The following SMPD3 variants were observed in gnomAD, a reference collection of about 807,000 sequenced individuals.
The protein encoded by SMPD3 is nSMase-2.
A neutral mutation model predicts 55.7 loss-of-function variants in SMPD3; 21 were observed. The ratio of observed to expected loss-of-function variants is 0.38; its 90% CI spans 0.27 to 0.54. The LOEUF (loss-of-function observed/expected upper bound fraction) is 0.54, where lower values mean the gene tolerates loss of function less well. SMPD3 is among the 20% of genes least tolerant of loss of function. SMPD3 has a pLI of 0.80. For synonymous variants in SMPD3, 457 were observed against 404.3 expected, an observed-to-expected ratio of 1.13 and a Z score of -1.56; for missense variants, 842 against 899.6, an observed-to-expected ratio of 0.94 and a Z score of 0.82.
intron 2 of SMPD3, among the ~76,000 whole-genome samples, chr16:68,375,198 TTC>T (rs1011509106): frequency 6.6e-6 from 1 of 151,956 alleles, no homozygotes; most frequent in Non-Finnish European, 1.5e-5. Context: ...ACACAGCCGA[TTC>T]TCTCTCTCCC....
chr16:68,423,728 G>T (rs1336951093), intron 1 of SMPD3, among the ~76,000 whole-genome samples: 1 of 152,106 alleles, frequency 6.6e-6, no homozygotes, highest in Non-Finnish European at 1.5e-5. Context: ...CTTAGCCAAG[G>T]AGCTTAGGAC....
At chr16:68,400,730 C>T (rs956243946) in intron 1 of SMPD3, among the ~76,000 whole-genome samples, 2 of 152,180 alleles carry the variant, frequency 1.3e-5, no homozygotes, top group Admixed American at 6.5e-5. Flanking sequence ...TCTCCAGCCC[C>T]GACAAAGGTG....
At position 68,371,745 on chromosome 16, in the gene SMPD3, T is replaced by C; in HGVS notation, c.437A>G (p.Asn146Ser). The C allele has an allele frequency of 6.2e-7, 1 of 1,610,758 alleles. No individual in the cohort carries two copies. Among genetic ancestry groups the C allele is most frequent in the Non-Finnish European group, 8.5e-7 (1 of 1,178,216 alleles). Reference protein sequence around the residue: ...DSLARVNNLFNTQARAKEIGQ... With the variant: ...DSLARVNNLFSTQARAKEIGQ... ...GATCTCCTTGGCCCGCGCTTGGGTG[T>C]TAAAAAGGTTGTTGACCCTGGCGAG... is the stretch of plus-strand genomic sequence containing the variant. The change falls in exon 3 of 9, where the codon AAC becomes AGC. Residue 146 changes from asparagine to serine, a missense_variant. Transcript: ENST00000219334.
chr16:68,378,717 C>T (rs542162398), intron 2 of SMPD3, among the ~76,000 whole-genome samples: 202 of 152,312 alleles, frequency 1.3e-3, no homozygotes, highest in Non-Finnish European at 2.1e-3. Flanking sequence ...GGCCACTCAG[C>T]ACCAGCCCTC....
chr16:68,446,384 C>A (rs1955898370), intron 1 of SMPD3, among the ~76,000 whole-genome samples: 1 of 152,100 alleles, frequency 6.6e-6, no homozygotes, highest in African/African-American at 2.4e-5. Context: ...TCCACTCGGA[C>A]CCTAGGTCAT....
intron 2 of SMPD3, among the ~76,000 whole-genome samples, chr16:68,373,687 T>A (rs1400946455): frequency 1.3e-5 from 2 of 152,160 alleles, no homozygotes; most frequent in Non-Finnish European, 2.9e-5. Flanking sequence ...TGGGACTGCA[T>A]CACGGTTCCC....
Position 68,447,210 on chromosome 16 carries a change from C to A in SMPD3, c.-269+1143G>T, listed in dbSNP as rs193232064. On this transcript the variant is annotated intron_variant, in intron 1 of 8. Coordinates refer to ENST00000219334, the MANE Select transcript of SMPD3 (RefSeq NM_018667.4). The surrounding 1 kb of genome is among the most constrained non-coding windows in gnomAD (Gnocchi z 5.1). Reference sequence around the variant, plus strand: ...GCCCCATGCCTTGGAACAGCCACCGCGCGTCCTGGAAGCAGGTCCCCGAGC... The same window carrying A: ...GCCCCATGCCTTGGAACAGCCACCGAGCGTCCTGGAAGCAGGTCCCCGAGC... Among the ~76,000 whole-genome samples, 180 of 152,294 alleles carry A rather than the reference C, an allele frequency of 1.2e-3. No homozygotes were observed. The highest frequency in any genetic ancestry group is 4.3e-3 in the African/African-American group (177 of 41,566).
chr16:68,418,572 A>G (rs529099300), intron 1 of SMPD3, among the ~76,000 whole-genome samples: 5 of 152,332 alleles, frequency 3.3e-5, no homozygotes, highest in African/African-American at 1.2e-4. Context: ...TGGGGAAGGC[A>G]AAGAACAACA....
chr16:68,423,214 A>G (rs2090409879), intron 1 of SMPD3, among the ~76,000 whole-genome samples: 1 of 152,222 alleles, frequency 6.6e-6, no homozygotes, highest in African/African-American at 2.4e-5. Context: ...CTCAAAGATC[A>G]TTCCCTTCTT....
intron 8 of SMPD3, 93 bp downstream of exon 8, chr16:68,361,510 C>T (rs1006010813): frequency 4.9e-5 from 75 of 1,530,390 alleles, no homozygotes; most frequent in Admixed American, 1.4e-4. Context: ...TGGCCTGGGG[C>T]GTGGGGTTTC....
At chr16:68,417,538 G>A (rs997578757) in intron 1 of SMPD3, among the ~76,000 whole-genome samples, 2 of 152,144 alleles carry the variant, frequency 1.3e-5, no homozygotes, top group East Asian at 1.9e-4. Flanking sequence ...TTTGAACTTG[G>A]ACTTAGGAAA....
In SMPD3 at chr16:68,360,324, T is replaced by TA. The variant is rs1198581554; in HGVS notation, c.*881dup. On this transcript the variant is annotated 3_prime_UTR_variant, in exon 9 of 9. Coordinates refer to ENST00000219334, the MANE Select transcript of SMPD3 (RefSeq NM_018667.4). ...AATCAGGATCCCCCCCACCCCCGTTTATGCTGTGAGTCCCTTCTTCCTGTA... is the reference window on the plus strand; with the variant it reads ...AATCAGGATCCCCCCCACCCCCGTTTAATGCTGTGAGTCCCTTCTTCCTGTA... 1.3e-5 allele frequency: 2 copies of TA among 149,124 alleles called. No individual in the cohort carries two copies. The highest frequency in any genetic ancestry group is 1.3e-4 in the Admixed American group (2 of 14,826). 9.2% of individuals were successfully genotyped at this position (149,124 alleles called of 1,614,324 possible). A position where few individuals can be genotyped will look rare whatever the true frequency, so the allele number is the denominator to read the frequency against.
chr16:68,389,438 T>G (rs1319067390), intron 1 of SMPD3, among the ~76,000 whole-genome samples: 1 of 152,228 alleles, frequency 6.6e-6, no homozygotes. Flanking sequence ...ACCTTTCCTT[T>G]GTAGCAGAAC....
At chr16:68,393,421 A>T (rs1399051949) in intron 1 of SMPD3, among the ~76,000 whole-genome samples, 2 of 152,170 alleles carry the variant, frequency 1.3e-5, no homozygotes. Flanking sequence ...CAAAAAAAAC[A>T]AAAAGGAAAA....
intron 2 of SMPD3, among the ~76,000 whole-genome samples, chr16:68,385,875 T>C (rs1445933884): frequency 6.6e-6 from 1 of 152,218 alleles, no homozygotes; most frequent in African/African-American, 2.4e-5. Flanking sequence ...TACTGATTGT[T>C]TGAGAATATG....
chr16:68,361,665 T>C lies in SMPD3; in HGVS notation c.1804A>G (p.Asn602Asp). ...QKGRKELLKGNGRRIDYMLHA... is the reference protein window; with the variant it reads ...QKGRKELLKGDGRRIDYMLHA... ...AGCATGTAGTCGATGCGCCGGCCGT[T>C]GCCCTTCAGCAGCTCCTTCCGCCCC... Residue 602 changes from asparagine (N) to aspartate (D), a missense_variant, in exon 8 of 9, where the codon AAC becomes GAC. Coordinates refer to ENST00000219334, the MANE Select transcript of SMPD3 (RefSeq NM_018667.4). 2 of 1,612,564 alleles carry C rather than the reference T, an allele frequency of 1.2e-6. No homozygotes were observed. The highest frequency in any genetic ancestry group is 1.7e-6 in the Non-Finnish European group (2 of 1,179,962).
At chr16:68,402,254 T>A (rs1383750953) in intron 1 of SMPD3, among the ~76,000 whole-genome samples, 2 of 152,170 alleles carry the variant, frequency 1.3e-5, no homozygotes, top group Non-Finnish European at 2.9e-5. Flanking sequence ...CAGGCCTCCA[T>A]TTCTCTCCTC....
chr16:68,389,491 C>T (rs1307583194), intron 1 of SMPD3, among the ~76,000 whole-genome samples: 2 of 152,236 alleles, frequency 1.3e-5, no homozygotes, highest in Non-Finnish European at 2.9e-5. Context: ...GGCCTCTCTC[C>T]AAGCCTCAGT....
At chr16:68,424,982 G>A in intron 1 of SMPD3, among the ~76,000 whole-genome samples, 1 of 152,190 alleles carries the variant, frequency 6.6e-6, no homozygotes, top group Non-Finnish European at 1.5e-5. Flanking sequence ...AAAATGCTGC[G>A]ATTGCTGGTA....
Sources: gnomAD v4.1 joint callset for allele counts (sites outside exome capture counted in the v4.1 genomes callset) on GRCh38, gnomAD v4.1.1 for gene constraint, Gnocchi (gnomAD v3.1) non-coding constraint, MANE v1.5 for transcripts, NCBI Gene and HGNC (gene_info 2026-07-23, HGNC 2026-07-21) for gene names.